AP1B1: variants seen among roughly 807,000 people sequenced by gnomAD.
AP1B1 encodes adaptor related protein complex 1 subunit beta 1.
AP1B1 carries 36 observed loss-of-function variants against 104.3 expected under a neutral mutation model. That is an observed-to-expected ratio of 0.35 (90% CI 0.26 to 0.46). The LOEUF (loss-of-function observed/expected upper bound fraction) is 0.46. AP1B1 is among the 20% of genes least tolerant of loss of function. The probability of loss-of-function intolerance (pLI) is 1.00; values close to 1 mark genes in which losing one functional copy is unlikely to be tolerated. For missense variants in AP1B1, 901 were observed against 1,247.9 expected (o/e 0.72, Z 4.19); for synonymous variants, 504 against 517.5 (o/e 0.97, Z 0.35).
intron 1 of AP1B1, among the ~76,000 whole-genome samples, chr22:29,373,641 G>A (rs1337433783): frequency 1.3e-5 from 2 of 152,082 alleles, no homozygotes; most frequent in East Asian, 3.9e-4. Flanking sequence ...GGGCGCAGAG[G>A]CCTGTAATCC....
chr22:29,334,350 C>G lies in AP1B1; in HGVS notation c.2224G>C (p.Val742Leu), dbSNP rs1569151535. Residue 742 changes from valine to leucine, a missense_variant, in exon 17 of 23, where the codon GTG becomes CTG. Coordinates refer to ENST00000357586, the MANE Select transcript of AP1B1 (RefSeq NM_001127.4). ...LEISGTFTRQ[V>L]GSISMDLQLT... ...TGCAGGTCCATGGAGATGGAGCCCACCTGGCGGGTGAAGGTGCCTGAGATC... is the reference window on the plus strand; with the variant it reads ...TGCAGGTCCATGGAGATGGAGCCCAGCTGGCGGGTGAAGGTGCCTGAGATC... The G allele has an allele frequency of 1.2e-6, 2 of 1,611,252 alleles. No individual in the cohort carries two copies. The highest frequency in any genetic ancestry group is 4.5e-5 in the East Asian group (2 of 44,634).
At chr22:29,366,000 A>G (rs1359868023) in intron 2 of AP1B1, among the ~76,000 whole-genome samples, 1 of 152,124 alleles carries the variant, frequency 6.6e-6, no homozygotes, top group African/African-American at 2.4e-5. Context: ...AGACCAATAC[A>G]TGAAATGCCT....
At position 29,368,781 on chromosome 22, in the gene AP1B1, C is replaced by T. The variant is rs1430921843; in HGVS notation, c.-27-1511G>A. On this transcript the variant is annotated intron_variant, in intron 1 of 22. Coordinates refer to ENST00000357586, the MANE Select transcript of AP1B1 (RefSeq NM_001127.4). ...CAAAAAAAAAAAAAAAAATTGAGGC[C>T]GGACGCAGTGGTGCACACCTGTAGT... Among the ~76,000 whole-genome samples, 5 of 151,638 alleles carry T rather than the reference C, an allele frequency of 3.3e-5. No homozygotes were observed. In the East Asian group the frequency reaches 5.8e-4, roughly 18 times the overall value.
intron 1 of AP1B1, 53 bp downstream of exon 1, chr22:29,388,368 CCCT>C (rs1261069626): frequency 2.0e-5 from 3 of 152,654 alleles, no homozygotes; most frequent in African/African-American, 7.2e-5. Context: ...CACCTAGGAC[CCCT>C]GACCCCTCGC....
chr22:29,330,278 C>T (rs758790897), intron 21 of AP1B1, 100 bp downstream of exon 21: 3 of 1,564,524 alleles, frequency 1.9e-6, no homozygotes, highest in South Asian at 2.3e-5. Flanking sequence ...TCAAGCCAGG[C>T]TTGAAGGGAC....
chr22:29,332,149 C>A (rs2061571435), intron 17 of AP1B1: 1 of 460,390 alleles, frequency 2.2e-6, no homozygotes, highest in African/African-American at 2.0e-5. Context: ...CTGCCCCAGC[C>A]TGGCTGCAGG....
At chr22:29,350,768 G>C (rs1213199994) in intron 9 of AP1B1, among the ~76,000 whole-genome samples, 1 of 152,218 alleles carries the variant, frequency 6.6e-6, no homozygotes, top group East Asian at 1.9e-4. Flanking sequence ...CAGGAGTCTA[G>C]AGTGGCCCTG....
Position 29,330,225 on chromosome 22 carries a change from G to A in AP1B1, c.2766+153C>T, listed in dbSNP as rs754051129. Reference sequence around the variant, plus strand: ...GTAACCTGACGGGGTTGATTTGGAAGCTTTCTAGAAAGGTCCTTCTCAGGG... The same window carrying A: ...GTAACCTGACGGGGTTGATTTGGAAACTTTCTAGAAAGGTCCTTCTCAGGG... On this transcript the variant is annotated intron_variant, in intron 21 of 22. Coordinates refer to ENST00000357586, the MANE Select transcript of AP1B1 (RefSeq NM_001127.4). 2.0e-5 allele frequency: 29 copies of A among 1,478,994 alleles called. No individual in the cohort carries two copies. The Middle Eastern group carries it at 8.7e-4, about 44-fold the overall frequency. 91.6% of individuals were successfully genotyped at this position (1,478,994 alleles called of 1,614,324 possible).
At position 29,334,311 on chromosome 22, in the gene AP1B1, C is replaced by A. The variant is rs537706062; in HGVS notation, c.2263G>T (p.Ala755Ser). The change falls in exon 17 of 23, where the codon GCC becomes TCC. Residue 755 changes from alanine to serine, a missense_variant. Around this residue, in one of 3 missense-constraint regions of AP1B1, gnomAD observed 424 missense variants for 494.0 expected, o/e 0.86. Coordinates refer to ENST00000357586, the MANE Select transcript of AP1B1 (RefSeq NM_001127.4). Reference sequence around the variant, plus strand: ...GCAAAGTCGGTCATGACCTGCAAGGCCTTGTTGGTCAGCTGCAGGTCCATG... The same window carrying A: ...GCAAAGTCGGTCATGACCTGCAAGGACTTGTTGGTCAGCTGCAGGTCCATG... ...ISMDLQLTNKALQVMTDFAIQ... is the reference protein window; with the variant it reads ...ISMDLQLTNKSLQVMTDFAIQ... The A allele has an allele frequency of 1.9e-5, 30 of 1,610,284 alleles. No individual in the cohort carries two copies. In the East Asian group the frequency reaches 4.2e-4, roughly 23 times the overall value.
rs73884718 is a variant in AP1B1, at chr22:29,366,173, G to A, written c.37+1034C>T. Reference sequence around the variant, plus strand: ...TTAAAGCACATTTGTCAGCCACGACGACATCCTCCATTTCCTTAAAAGCAG... The same window carrying A: ...TTAAAGCACATTTGTCAGCCACGACAACATCCTCCATTTCCTTAAAAGCAG... On this transcript the variant is annotated intron_variant, in intron 2 of 22. Transcript: ENST00000357586. Among the ~76,000 whole-genome samples the A allele has an allele frequency of 9.5e-3, 1,445 of 152,240 alleles. 22 individuals are homozygous for A. The highest frequency in any genetic ancestry group is 0.033 in the African/African-American group (1,387 of 41,542).
chr22:29,356,919 C>T (rs1259579110), intron 5 of AP1B1, among the ~76,000 whole-genome samples: 1 of 152,216 alleles, frequency 6.6e-6, no homozygotes, highest in East Asian at 1.9e-4. Context: ...AGCAACAGCA[C>T]CTCACTTCAA....
At chr22:29,372,438 A>G (rs913032000) in intron 1 of AP1B1, among the ~76,000 whole-genome samples, 6 of 151,660 alleles carry the variant, frequency 4.0e-5, no homozygotes, top group African/African-American at 1.4e-4. Context: ...AAAAAAAAAA[A>G]AAAGAAAAAA....
intron 11 of AP1B1, 36 bp from the exon 12 acceptor site, chr22:29,342,419 G>A (rs756462756): frequency 6.5e-7 from 1 of 1,549,920 alleles, no homozygotes; most frequent in South Asian, 1.1e-5. Context: ...GGAAGTGTGG[G>A]CCTCACATGG....
chr22:29,329,769 A>G, intron 21 of AP1B1, 49 bp from the exon 22 acceptor site: 1 of 1,611,828 alleles, frequency 6.2e-7, no homozygotes, highest in Non-Finnish European at 8.5e-7. Flanking sequence ...AACCAAACAC[A>G]GGGAGACGGA....
chr22:29,372,887 A>T (rs537601532), intron 1 of AP1B1, among the ~76,000 whole-genome samples: 1 of 152,360 alleles, frequency 6.6e-6, no homozygotes, highest in South Asian at 2.1e-4. Flanking sequence ...TAAGTATAGT[A>T]TTTCAATTTT....
Position 29,331,898 on chromosome 22 carries a change from G to A in AP1B1, c.2328C>T (p.Ala776=), listed in dbSNP as rs767796976. 1.5e-4 allele frequency: 236 copies of A among 1,611,334 alleles called. No homozygotes were observed. Among genetic ancestry groups the A allele is most frequent in the Non-Finnish European group, 1.9e-4 (228 of 1,178,738 alleles). Residue 776 remains alanine, a synonymous_variant, in exon 18 of 23, where the codon GCC becomes GCT. Transcript: ENST00000357586. ...FNRNSFGLAP[A]APLQVHAPLS... Reference sequence around the variant, plus strand: ...GTGGCGCGTGGACCTGGAGGGGGGCGGCGGGGGCCAGGCCAAAGCTGGGGA... The same window carrying A: ...GTGGCGCGTGGACCTGGAGGGGGGCAGCGGGGGCCAGGCCAAAGCTGGGGA...
chr22:29,383,282 T>A (rs2062466029), intron 1 of AP1B1, among the ~76,000 whole-genome samples: 1 of 152,196 alleles, frequency 6.6e-6, no homozygotes, highest in African/African-American at 2.4e-5. Flanking sequence ...AATTGTGTTA[T>A]TCTGCTCCCA....
Position 29,331,847 on chromosome 22 carries a change from G to C in AP1B1, c.2379C>G (p.Ile793Met), listed in dbSNP as rs2061563665. ...APLSPNQTVE[I>M]SLPLSTVGSV... The stretch of plus-strand genomic sequence containing the variant: ...AGCCCACCGTGCTGAGAGGCAGGGA[G>C]ATCTCCACTGTCTGGTTGGGGCTGA... The change falls in exon 18 of 23, where the codon ATC becomes ATG. Residue 793 changes from isoleucine (I) to methionine (M), a missense_variant. By Grantham distance (10) the Ile-to-Met change is conservative (BLOSUM62 1). Around this residue, in one of 3 missense-constraint regions of AP1B1, gnomAD observed 424 missense variants for 494.0 expected, o/e 0.86. Transcript: ENST00000357586. The C allele has an allele frequency of 6.2e-7, 1 of 1,614,142 alleles. No homozygotes were observed. The highest frequency in any genetic ancestry group is 1.3e-5 in the African/African-American group (1 of 75,060).
chr22:29,350,525 T>G (rs73884717), intron 9 of AP1B1, among the ~76,000 whole-genome samples: 1 of 152,200 alleles, frequency 6.6e-6, no homozygotes, highest in African/African-American at 2.4e-5. Context: ...ACAGAACCTC[T>G]GACTGCTTCT....
Sources: allele counts gnomAD v4.1 joint callset (sites outside exome capture counted in the v4.1 genomes callset), GRCh38; gene constraint gnomAD v4.1.1; regional missense constraint gnomAD v4.1.1; transcripts MANE v1.5; gene names NCBI Gene and HGNC (gene_info 2026-07-23, HGNC 2026-07-21).